Variants in CSNK2A2 observed in about 807,000 individuals in gnomAD.
CSNK2A2 encodes casein kinase II subunit alpha'.
In CSNK2A2, 8 loss-of-function variants were observed where a neutral mutation model predicts 54.0. The observed-to-expected ratio is 0.15, with a 90% confidence interval of 0.09 to 0.27. CSNK2A2 has a LOEUF of 0.27. Among genes scored for constraint, CSNK2A2 ranks in the 10% least tolerant of loss-of-function variants. CSNK2A2 has a pLI of 1.00. For synonymous variants in CSNK2A2, 141 were observed against 153.9 expected (o/e 0.92, Z 0.62); for missense variants, 242 against 439.4 (o/e 0.55, Z 4.02).
chr16:58,192,955 A>G (rs1962353379), intron 2 of CSNK2A2: 1 of 152,246 alleles, frequency 6.6e-6, no homozygotes, highest in Non-Finnish European at 1.5e-5. Flanking sequence ...TGTTTGACAC[A>G]GGTTAACTAC....
At chr16:58,177,602 C>T (rs1961916047) in intron 4 of CSNK2A2, among the ~76,000 whole-genome samples, 1 of 152,162 alleles carries the variant, frequency 6.6e-6, no homozygotes. Flanking sequence ...CATTCCCAAC[C>T]ATGACCTTCA....
chr16:58,169,305 C>T (rs552225797), intron 5 of CSNK2A2, among the ~76,000 whole-genome samples: 1 of 151,846 alleles, frequency 6.6e-6, no homozygotes, highest in South Asian at 2.1e-4. Context: ...TTTGGGAGGC[C>T]GAGGCAGGTG....
At chr16:58,186,412 G>C (rs1399853668) in intron 3 of CSNK2A2, among the ~76,000 whole-genome samples, 1 of 152,182 alleles carries the variant, frequency 6.6e-6, no homozygotes, top group African/African-American at 2.4e-5. Context: ...GCTTACTTAA[G>C]TGAGGTAGAG....
At chr16:58,165,539 A>G (rs1316592969) in intron 10 of CSNK2A2, 21 bp downstream of exon 10, 2 of 1,594,858 alleles carry the variant, frequency 1.3e-6, no homozygotes, top group African/African-American at 2.7e-5. Context: ...TACTCCCTGA[A>G]CACAGTCCCT....
rs201664709 is a variant in CSNK2A2, at chr16:58,165,644, C to A, written c.892G>T (p.Ala298Ser). 17 of 1,614,064 alleles carry A rather than the reference C, an allele frequency of 1.1e-5. No homozygotes were observed. The East Asian group carries it at 2.9e-4, about 28-fold the overall frequency. The change falls in exon 10 of 12, where the codon GCC becomes TCC. Residue 298 changes from alanine (A) to serine (S), a missense_variant. This residue lies in a region of CSNK2A2 where 81 missense variants were observed against 135.0 expected (regional missense o/e 0.60). Coordinates refer to ENST00000262506, the MANE Select transcript of CSNK2A2 (RefSeq NM_001896.4). ...SENRHLVSPE[A>S]LDLLDKLLRY... The stretch of plus-strand genomic sequence containing the variant: ...AGAAGTTTGTCCAGAAGATCTAGGG[C>A]CTCAGGGCTGACAAGGTGTCTGTTC...
intron 3 of CSNK2A2, among the ~76,000 whole-genome samples, chr16:58,185,564 T>C (rs1270193683): frequency 5.3e-5 from 8 of 152,178 alleles, no homozygotes; most frequent in African/African-American, 1.9e-4. Context: ...AAATTCATAT[T>C]TTTACACGGT....
Position 58,197,550 on chromosome 16 carries a change from A to G in CSNK2A2, c.104+83T>C. ...CGCGGAGGGGTCGGCGGGAGACACC[A>G]CCGGGCCCGAGTGCGGTTCGCAGGG... On this transcript the variant is annotated intron_variant, in intron 1 of 11. Transcript: ENST00000262506. The surrounding 1 kb of genome is among the most constrained non-coding windows in gnomAD (Gnocchi z 4.0). 1.1e-6 allele frequency: 1 copy of G among 878,494 alleles called. No individual in the cohort carries two copies. The highest frequency in any genetic ancestry group is 1.7e-6 in the Non-Finnish European group (1 of 598,206). The allele number at this position is 878,494 out of a possible 1,614,324, so 54.4% of individuals were successfully genotyped here.
intron 4 of CSNK2A2, among the ~76,000 whole-genome samples, chr16:58,183,569 C>T (rs989288138): frequency 6.6e-6 from 1 of 152,024 alleles, no homozygotes; most frequent in African/African-American, 2.4e-5. Context: ...AAAATCAACA[C>T]TACTATTTTG....
intron 9 of CSNK2A2, 64 bp downstream of exon 9, chr16:58,166,520 T>C: frequency 9.2e-7 from 1 of 1,086,106 alleles, no homozygotes; most frequent in South Asian, 1.3e-5. Flanking sequence ...AAAGTGATTT[T>C]GGCTAACCTT....
At chr16:58,165,455 C>A in intron 10 of CSNK2A2, 105 bp downstream of exon 10, 2 of 1,229,114 alleles carry the variant, frequency 1.6e-6, no homozygotes, top group Non-Finnish European at 1.1e-6. Context: ...AGGAATAATC[C>A]AATCCAAATA....
At position 58,164,125 on chromosome 16, in the gene CSNK2A2, G is replaced by C; in HGVS notation, c.999C>G (p.Ser333=). ...PYFYPVVKEQ[S]QPCADNAVLS... is the part of the protein sequence containing the mutation. Reference sequence around the variant, plus strand: ...GCACAGCATTGTCTGCACAAGGCTGGGACTGCTCCTTCACCACAGGGTCTG... The same window carrying C: ...GCACAGCATTGTCTGCACAAGGCTGCGACTGCTCCTTCACCACAGGGTCTG... Residue 333 remains serine, a synonymous_variant, in exon 11 of 12, where the codon TCC becomes TCG. Transcript: ENST00000262506. 1 of 1,613,882 alleles carries C rather than the reference G, an allele frequency of 6.2e-7. No homozygotes were observed. Among genetic ancestry groups the C allele is most frequent in the Non-Finnish European group, 8.5e-7 (1 of 1,179,908 alleles).
intron 11 of CSNK2A2, 184 bp downstream of exon 11, chr16:58,163,870 G>GT: frequency 2.0e-6 from 1 of 493,094 alleles, no homozygotes; most frequent in Non-Finnish European, 3.6e-6. Flanking sequence ...TGCTGCCACA[G>GT]TGACAGCTCC....
At chr16:58,177,342 C>T (rs1232070697) in intron 4 of CSNK2A2, among the ~76,000 whole-genome samples, 1 of 152,216 alleles carries the variant, frequency 6.6e-6, no homozygotes, top group Non-Finnish European at 1.5e-5. Context: ...AAACAATCCA[C>T]TGCAAAATGC....
intron 4 of CSNK2A2, among the ~76,000 whole-genome samples, chr16:58,177,389 T>C: frequency 6.6e-6 from 1 of 152,138 alleles, no homozygotes; most frequent in East Asian, 1.9e-4. Context: ...TTTCAAAAAA[T>C]AAATGACTTA....
intron 2 of CSNK2A2, among the ~76,000 whole-genome samples, chr16:58,194,924 T>TAA (rs34830080): frequency 0.072 from 10,445 of 145,452 alleles, 457 homozygotes; most frequent in South Asian, 0.21. Flanking sequence ...GCTGTTCCTT[T>TAA]AAAAAAAAAA....
chr16:58,174,309 A>T, intron 5 of CSNK2A2, 142 bp downstream of exon 5: 2 of 580,140 alleles, frequency 3.4e-6, no homozygotes, highest in Non-Finnish European at 2.9e-6. Context: ...TCCTCGATGG[A>T]GGCCTCAATA....
chr16:58,169,376 A>G (rs112724982), intron 5 of CSNK2A2, among the ~76,000 whole-genome samples: 10,130 of 152,126 alleles, frequency 0.067, 409 homozygotes, highest in South Asian at 0.2. Context: ...TAAAAATACA[A>G]AAGTTAGCTG....
intron 11 of CSNK2A2, 45 bp downstream of exon 11, chr16:58,164,009 T>C: frequency 1.4e-6 from 2 of 1,424,870 alleles, no homozygotes; most frequent in Non-Finnish European, 2.0e-6. Context: ...TCAAGGTTTG[T>C]GTTTGGTTGG....
intron 3 of CSNK2A2, among the ~76,000 whole-genome samples, chr16:58,185,033 TATC>T (rs1962153687): frequency 6.6e-6 from 1 of 152,198 alleles, no homozygotes; most frequent in African/African-American, 2.4e-5. Flanking sequence ...AAGTGCTCAA[TATC>T]ATCTTGTGTA....
Sources: allele counts gnomAD v4.1 joint callset (sites outside exome capture counted in the v4.1 genomes callset), GRCh38; gene constraint gnomAD v4.1.1; regional missense constraint gnomAD v4.1.1; non-coding constraint Gnocchi (gnomAD v3.1); transcripts MANE v1.5; gene names NCBI Gene and HGNC (gene_info 2026-07-23, HGNC 2026-07-21).